The following GFRA1 variants were observed in gnomAD, a reference collection of about 807,000 sequenced individuals.
GFRA1 encodes the protein GDNF family receptor alpha 1.
GFRA1 carries 16 observed loss-of-function variants against 51.6 expected under a neutral mutation model. The observed-to-expected ratio is 0.31, with a 90% confidence interval of 0.21 to 0.47. The LOEUF (loss-of-function observed/expected upper bound fraction) is 0.47, where lower values mean the gene tolerates loss of function less well. Ranked by LOEUF, GFRA1 falls within the 20% of genes least tolerant of loss-of-function variation. GFRA1 has a pLI of 1.00. For missense variants in GFRA1, 530 were observed against 594.3 expected, an observed-to-expected ratio of 0.89 and a Z score of 1.13; for synonymous variants, 270 against 241.3, an observed-to-expected ratio of 1.12 and a Z score of -1.10.
At chr10:116,255,092 A>AC (rs1042947240) in intron 4 of GFRA1, among the ~76,000 whole-genome samples, 1 of 151,776 alleles carries the variant, frequency 6.6e-6, no homozygotes, top group Non-Finnish European at 1.5e-5. Context: ...GTCTAAAGTT[A>AC]CCCCCCTCCA....
chr10:116,206,967 T>C (rs1964826915), intron 5 of GFRA1, among the ~76,000 whole-genome samples: 1 of 152,092 alleles, frequency 6.6e-6, no homozygotes, highest in Non-Finnish European at 1.5e-5. Flanking sequence ...TTCACCACCA[T>C]GAGAGAAGCC....
At chr10:116,153,996 T>G (rs1471268989) in intron 5 of GFRA1, among the ~76,000 whole-genome samples, 2 of 152,190 alleles carry the variant, frequency 1.3e-5, no homozygotes, top group Non-Finnish European at 2.9e-5. Flanking sequence ...TGCAGAAATG[T>G]GCTTAACATC....
At position 116,201,929 on chromosome 10, in the gene GFRA1, T is replaced by C. The variant is rs549857712; in HGVS notation, c.433+9702A>G. On this transcript the variant is annotated intron_variant, in intron 5 of 10. Transcript: ENST00000355422. ...TTGGATTCACTGTCAACATGATCAT[T>C]GATTACACTACCAGAGTTCTGCCTC... Among the ~76,000 whole-genome samples, 3 of 152,338 alleles carry C rather than the reference T, an allele frequency of 2.0e-5. No homozygotes were observed. The South Asian group carries it at 6.2e-4, about 32-fold the overall frequency.
chr10:116,190,226 C>T (rs904768044), intron 5 of GFRA1, among the ~76,000 whole-genome samples: 1 of 152,206 alleles, frequency 6.6e-6, no homozygotes, highest in Non-Finnish European at 1.5e-5. Context: ...TAAAGCCAAA[C>T]CTTTCAAGTG....
rs752981166 is a variant in GFRA1 at position 116,125,447 on chromosome 10, C to T, written c.544G>A (p.Val182Met). Residue 182 changes from valine (V) to methionine (M), a missense_variant, in exon 6 of 11, where the codon GTG (valine) becomes ATG (methionine). Transcript: ENST00000355422. Reference protein sequence around the residue: ...SAYITPCTTSVSNDVCNRRKC... With the variant: ...SAYITPCTTSMSNDVCNRRKC... ...CGGCGGTTGCAGACATCGTTGGACA[C>T]GCTGGTGGTGCACGGGGTGATGTAC... The T allele has an allele frequency of 1.6e-5, 26 of 1,614,118 alleles. No homozygotes were observed. Among genetic ancestry groups the T allele is most frequent in the African/African-American group, 1.2e-4 (9 of 75,056 alleles).
At chr10:116,179,043 T>C (rs1185590071) in intron 5 of GFRA1, among the ~76,000 whole-genome samples, 1 of 152,158 alleles carries the variant, frequency 6.6e-6, no homozygotes, top group Admixed American at 6.5e-5. Flanking sequence ...TGTATGTTCA[T>C]GCAGAGGAAG....
chr10:116,189,397 G>A (rs750596446), intron 5 of GFRA1, among the ~76,000 whole-genome samples: 2 of 152,122 alleles, frequency 1.3e-5, no homozygotes, highest in Non-Finnish European at 2.9e-5. Context: ...GCTCTTTGGT[G>A]TATTCATGTA....
intron 5 of GFRA1, among the ~76,000 whole-genome samples, chr10:116,149,826 T>G (rs1205002936): frequency 6.6e-6 from 1 of 152,156 alleles, no homozygotes; most frequent in Non-Finnish European, 1.5e-5. Context: ...CAAACCATTA[T>G]GATTAAAAAC....
At chr10:116,238,547 G>A (rs554040219) in intron 4 of GFRA1, among the ~76,000 whole-genome samples, 4 of 152,252 alleles carry the variant, frequency 2.6e-5, no homozygotes, top group Middle Eastern at 3.4e-3. Context: ...GGGACTGATC[G>A]GAAAATGCAC....
At chr10:116,214,408 C>A (rs1422370678) in intron 4 of GFRA1, among the ~76,000 whole-genome samples, 1 of 152,276 alleles carries the variant, frequency 6.6e-6, no homozygotes. Flanking sequence ...CTCCTACCTA[C>A]GAGGGAGGGA....
chr10:116,158,667 G>T (rs1408798478), intron 5 of GFRA1, among the ~76,000 whole-genome samples: 1 of 152,224 alleles, frequency 6.6e-6, no homozygotes, highest in Non-Finnish European at 1.5e-5. Context: ...TCTAGCCACT[G>T]CTCAGCAGGA....
intron 6 of GFRA1, among the ~76,000 whole-genome samples, chr10:116,098,365 T>C (rs1235918495): frequency 6.6e-6 from 1 of 152,236 alleles, no homozygotes; most frequent in Non-Finnish European, 1.5e-5. Context: ...CACTGAAAGA[T>C]ATAAAACCTG....
intron 6 of GFRA1, among the ~76,000 whole-genome samples, chr10:116,113,353 A>G (rs913183264): frequency 2.0e-5 from 3 of 152,154 alleles, no homozygotes; most frequent in African/African-American, 7.2e-5. Flanking sequence ...AGCCCACATA[A>G]ACAAAAGCCC....
intron 5 of GFRA1, among the ~76,000 whole-genome samples, chr10:116,130,548 T>C (rs954050197): frequency 1.3e-5 from 2 of 152,076 alleles, no homozygotes; most frequent in Admixed American, 1.3e-4. Flanking sequence ...TGGTACAGTA[T>C]AGGCATAGAC....
intron 6 of GFRA1, among the ~76,000 whole-genome samples, chr10:116,116,267 C>T (rs1957409176): frequency 1.3e-5 from 2 of 152,166 alleles, no homozygotes; most frequent in African/African-American, 4.8e-5. Flanking sequence ...AGATGCAATC[C>T]ACAAAATGGA....
chr10:116,141,501 A>G (rs1034209084), intron 5 of GFRA1, among the ~76,000 whole-genome samples: 2 of 151,694 alleles, frequency 1.3e-5, no homozygotes, highest in Admixed American at 6.6e-5. Context: ...ATGAGTAACT[A>G]GAGGCAGGGA....
At chr10:116,251,961 C>CT (rs1438955430) in intron 4 of GFRA1, among the ~76,000 whole-genome samples, 1 of 74,664 alleles carries the variant, frequency 1.3e-5, no homozygotes, top group Non-Finnish European at 2.7e-5. Flanking sequence ...AACAATAGGC[C>CT]TCTTTTTTTT....
At chr10:116,082,573 C>G (rs557466919) in intron 9 of GFRA1, among the ~76,000 whole-genome samples, 1 of 152,178 alleles carries the variant, frequency 6.6e-6, no homozygotes, top group East Asian at 1.9e-4. Flanking sequence ...CTCCGCCTCC[C>G]GGATTCAAGC....
At chr10:116,144,758 TAGG>T (rs1435711668) in intron 5 of GFRA1, among the ~76,000 whole-genome samples, 3 of 152,084 alleles carry the variant, frequency 2.0e-5, no homozygotes, top group Admixed American at 6.6e-5. Flanking sequence ...GAAGAAAACA[TAGG>T]AGATTATGAT....
Sources: gnomAD v4.1 joint callset for allele counts (sites outside exome capture counted in the v4.1 genomes callset) on GRCh38, gnomAD v4.1.1 for gene constraint, MANE v1.5 for transcripts, NCBI Gene and HGNC (gene_info 2026-07-23, HGNC 2026-07-21) for gene names.